ADGRL3: variants seen among roughly 807,000 people sequenced by gnomAD.
The protein encoded by ADGRL3 is adhesion G protein-coupled receptor L3.
Under a neutral mutation model 153.5 loss-of-function variants are expected in ADGRL3, and 62 were observed. The observed-to-expected ratio is 0.40, with a 90% confidence interval of 0.33 to 0.50. ADGRL3 has a LOEUF of 0.50. Among genes scored for constraint, ADGRL3 ranks in the 20% least tolerant of loss-of-function variants. The pLI, the probability that ADGRL3 is intolerant of heterozygous loss-of-function variation, is 0.47. For synonymous variants in ADGRL3, 710 were observed against 672.5 expected, an observed-to-expected ratio of 1.06 and a Z score of -0.86; for missense variants, 1,641 against 1,859.4, an observed-to-expected ratio of 0.88 and a Z score of 2.16.
intron 5 of ADGRL3, among the ~76,000 whole-genome samples, chr4:61,671,854 T>G (rs1181476023): frequency 6.6e-6 from 1 of 152,164 alleles, no homozygotes; most frequent in Non-Finnish European, 1.5e-5. Flanking sequence ...AGGCCACTGT[T>G]CTGGACTCCA....
At chr4:61,647,404 G>A (rs561935644) in intron 5 of ADGRL3, among the ~76,000 whole-genome samples, 1 of 152,258 alleles carries the variant, frequency 6.6e-6, no homozygotes, top group Admixed American at 6.5e-5. Flanking sequence ...TAGAAAGACA[G>A]TAGAACTAGG....
intron 2 of ADGRL3, among the ~76,000 whole-genome samples, chr4:61,407,419 A>T (rs1234523362): frequency 6.6e-6 from 1 of 152,126 alleles, no homozygotes; most frequent in Admixed American, 6.6e-5. Flanking sequence ...GTATAATACA[A>T]TAAATAGTCC....
chr4:61,768,055 A>G lies in ADGRL3; in HGVS notation c.1399+34501A>G, dbSNP rs796275275. ...AGGGGCTAGGGCTGTAAAGTGTCTC[A>G]GGGTTGCTGCCAAACGAGCCATGAA... On this transcript the variant is annotated intron_variant, in intron 8 of 26. Transcript: ENST00000683033. 2.0e-4 allele frequency among the ~76,000 whole-genome samples: 30 copies of G among 152,220 alleles called. No individual in the cohort carries two copies. The South Asian group carries it at 6.2e-3, about 32-fold the overall frequency.
chr4:62,039,026 A>T (rs901037950), intron 24 of ADGRL3, among the ~76,000 whole-genome samples: 1 of 152,060 alleles, frequency 6.6e-6, no homozygotes, highest in Admixed American at 6.5e-5. Context: ...TCAAGAATTA[A>T]TTTTTCTTAA....
chr4:61,808,179 T>G (rs2097571614), intron 8 of ADGRL3, among the ~76,000 whole-genome samples: 1 of 152,170 alleles, frequency 6.6e-6, no homozygotes, highest in Non-Finnish European at 1.5e-5. Flanking sequence ...TATCAGACTT[T>G]CCTGTAACTG....
At chr4:61,643,343 G>A (rs1286254921) in intron 5 of ADGRL3, among the ~76,000 whole-genome samples, 1 of 151,948 alleles carries the variant, frequency 6.6e-6, no homozygotes, top group Non-Finnish European at 1.5e-5. Context: ...GGAGTGGTGA[G>A]AGAGGGCATC....
At chr4:61,886,573 C>T (rs1343856680) in intron 9 of ADGRL3, among the ~76,000 whole-genome samples, 9 of 148,620 alleles carry the variant, frequency 6.1e-5, no homozygotes, top group African/African-American at 2.2e-4. Context: ...AAAATTAATA[C>T]ATTTTATGAG....
rs184822594 is a variant in ADGRL3, at chr4:61,596,669, A to G, written c.473+9229A>G. On this transcript the variant is annotated intron_variant, in intron 5 of 26. Transcript: ENST00000683033. ...GGAGTTCAACCCTAGCCTGGGCAACATGGTGAGACCTCGTCTCTACCAAAA... is the reference window on the plus strand; with the variant it reads ...GGAGTTCAACCCTAGCCTGGGCAACGTGGTGAGACCTCGTCTCTACCAAAA... 3.9e-5 allele frequency among the ~76,000 whole-genome samples: 6 copies of G among 152,274 alleles called. No individual in the cohort carries two copies. The East Asian group carries it at 1.2e-3, about 30-fold the overall frequency.
rs542314419 is a variant in ADGRL3 at position 61,647,423 on chromosome 4, C to G, written c.474-29403C>G. Among the ~76,000 whole-genome samples, 263 of 152,118 alleles carry G rather than the reference C, an allele frequency of 1.7e-3. 1 individual carries two copies. Among genetic ancestry groups the G allele is most frequent in the African/African-American group, 6.0e-3 (247 of 41,512 alleles). On this transcript the variant is annotated intron_variant, in intron 5 of 26. Transcript: ENST00000683033. Reference sequence around the variant, plus strand: ...AAGACAGTAGAACTAGGGTTTGTCCCCATATCTGAGTACCTGTTTTTTCAC... The same window carrying G: ...AAGACAGTAGAACTAGGGTTTGTCCGCATATCTGAGTACCTGTTTTTTCAC...
chr4:61,925,830 C>G (rs1215469486), intron 13 of ADGRL3, among the ~76,000 whole-genome samples: 1 of 152,130 alleles, frequency 6.6e-6, no homozygotes, highest in Non-Finnish European at 1.5e-5. Flanking sequence ...CAAACTATCT[C>G]ATGAACTATA....
rs1351784149 is a variant in ADGRL3 at position 61,642,976 on chromosome 4, T to C, written c.474-33850T>C. Among the ~76,000 whole-genome samples, 4 of 152,230 alleles carry C rather than the reference T, an allele frequency of 2.6e-5. No homozygotes were observed. The East Asian group carries it at 5.8e-4, about 22-fold the overall frequency. ...TCTTTTATTTCCTTGAGCAGTGCTT[T>C]ATAGTTCTCCTTGAAGAGGTCCTTC... On this transcript the variant is annotated intron_variant, in intron 5 of 26. Transcript: ENST00000683033.
At chr4:61,746,732 C>G (rs553367758) in intron 8 of ADGRL3, among the ~76,000 whole-genome samples, 77 of 152,192 alleles carry the variant, frequency 5.1e-4, no homozygotes, top group Non-Finnish European at 9.7e-4. Context: ...ATTTATAGCA[C>G]TAAATGTCCA....
At chr4:62,034,852 G>A (rs1724079936) in intron 23 of ADGRL3, among the ~76,000 whole-genome samples, 1 of 151,672 alleles carries the variant, frequency 6.6e-6, no homozygotes, top group South Asian at 2.1e-4. Flanking sequence ...TCAAATATTT[G>A]ATATATTCCC....
intron 3 of ADGRL3, among the ~76,000 whole-genome samples, chr4:61,500,029 C>CAGAGAGAG (rs10673228): frequency 0.013 from 1,811 of 140,510 alleles, 31 homozygotes; most frequent in Middle Eastern, 0.038. Context: ...CACACAGAAA[C>CAGAGAGAG]AGAGAGAGAG....
chr4:61,239,950 A>G (rs1754283359), intron 1 of ADGRL3, among the ~76,000 whole-genome samples: 1 of 152,108 alleles, frequency 6.6e-6, no homozygotes, highest in African/African-American at 2.4e-5. Context: ...GCCATTGATT[A>G]TTTGGCAATA....
intron 8 of ADGRL3, among the ~76,000 whole-genome samples, chr4:61,807,038 G>A (rs2097559935): frequency 6.6e-6 from 1 of 151,960 alleles, no homozygotes; most frequent in Admixed American, 6.5e-5. Flanking sequence ...AACACCTACT[G>A]TGAGTCACAC....
chr4:61,473,337 G>A (rs958386675), intron 2 of ADGRL3, among the ~76,000 whole-genome samples: 3 of 151,734 alleles, frequency 2.0e-5, no homozygotes, highest in African/African-American at 7.3e-5. Flanking sequence ...ATTCACTTTT[G>A]TACCCTGGGT....
intron 4 of ADGRL3, among the ~76,000 whole-genome samples, chr4:61,526,772 A>C (rs934911989): frequency 2.6e-5 from 4 of 152,032 alleles, no homozygotes; most frequent in Admixed American, 2.6e-4. Context: ...TCAAAAAATA[A>C]ATAAATACAT....
At chr4:61,835,389 G>GAA (rs36093030) in intron 9 of ADGRL3, among the ~76,000 whole-genome samples, 2 of 121,158 alleles carry the variant, frequency 1.7e-5, no homozygotes, top group Non-Finnish European at 3.3e-5. Flanking sequence ...TGACTGAGAA[G>GAA]AAAAAAAAAA....
Sources: gnomAD v4.1 joint callset for allele counts (sites outside exome capture counted in the v4.1 genomes callset) on GRCh38, gnomAD v4.1.1 for gene constraint, MANE v1.5 for transcripts, NCBI Gene and HGNC (gene_info 2026-07-23, HGNC 2026-07-21) for gene names.